Variants in SLC9B2 observed in about 807,000 individuals in gnomAD.
The protein encoded by SLC9B2 is sodium/hydrogen exchanger 9B2.
In SLC9B2, 39 loss-of-function variants were observed where a neutral mutation model predicts 52.2. The ratio of observed to expected loss-of-function variants is 0.75; its 90% CI spans 0.58 to 0.98. SLC9B2 has a LOEUF of 0.98. Ranked by LOEUF, SLC9B2 falls within the 50% of genes least tolerant of loss-of-function variation. The probability of loss-of-function intolerance (pLI) is 0.00; values close to 1 mark genes in which losing one functional copy is unlikely to be tolerated. For missense variants in SLC9B2, 626 were observed against 637.5 expected, an observed-to-expected ratio of 0.98 and a Z score of 0.19; for synonymous variants, 214 against 227.0, an observed-to-expected ratio of 0.94 and a Z score of 0.51.
At chr4:103,045,040 A>T in intron 7 of SLC9B2, 44 bp from the exon 8 acceptor site, 1 of 1,271,722 alleles carries the variant, frequency 7.9e-7, no homozygotes, top group Non-Finnish European at 1.1e-6. Flanking sequence ...AATCCAACAA[A>T]TACACAGGTT....
chr4:103,047,498 TCGTCATTTAACATCAGGTATA>T (rs1213304703), intron 6 of SLC9B2, among the ~76,000 whole-genome samples: 1 of 151,564 alleles, frequency 6.6e-6, no homozygotes, highest in Admixed American at 6.6e-5. Flanking sequence ...ACCCATTAAC[TCGTCATTTAACATCAGGTATA>T]TCTCCTAATG....
intron 4 of SLC9B2, among the ~76,000 whole-genome samples, chr4:103,051,117 C>T (rs1009069850): frequency 1.4e-4 from 22 of 152,060 alleles, no homozygotes; most frequent in African/African-American, 4.8e-4. Context: ...GATGAAGAAA[C>T]GGCTAGGGGA....
chr4:103,033,567 T>C (rs996967650), intron 9 of SLC9B2, among the ~76,000 whole-genome samples: 4 of 152,188 alleles, frequency 2.6e-5, no homozygotes, highest in South Asian at 2.1e-4. Flanking sequence ...GAAAACTTCA[T>C]AGTCTCTGCT....
chr4:103,046,962 A>G, intron 7 of SLC9B2, 89 bp downstream of exon 7: 1 of 1,449,608 alleles, frequency 6.9e-7, no homozygotes, highest in African/African-American at 1.4e-5. Context: ...GCCTTAATCA[A>G]TTATCAAGCA....
In SLC9B2 at chr4:103,048,959, G is replaced by C; in HGVS notation, c.647C>G (p.Ala216Gly). The C allele has an allele frequency of 6.2e-7, 1 of 1,613,880 alleles. No homozygotes were observed. The highest frequency in any genetic ancestry group is 8.5e-7 in the Non-Finnish European group (1 of 1,179,878). ...ATGGGCAAGAAGAGCAGATGTGCAC[G>C]CCTCCACAATACAGGGACCCATGGA... Reference protein sequence around the residue: ...RLSMGPCIVEACTSALLAHYL... With the variant: ...RLSMGPCIVEGCTSALLAHYL... Residue 216 changes from alanine (A) to glycine (G), a missense_variant, in exon 6 of 12, where the codon GCG becomes GGG. By Grantham distance (60) the Ala-to-Gly change is moderately conservative. Transcript: ENST00000394785.
intron 7 of SLC9B2, among the ~76,000 whole-genome samples, chr4:103,045,380 G>T (rs900742914): frequency 3.3e-5 from 5 of 152,002 alleles, no homozygotes; most frequent in African/African-American, 1.2e-4. Context: ...AGCTAGGATC[G>T]CTTTCTACCA....
In SLC9B2 at chr4:103,048,912, G is replaced by T; in HGVS notation, c.694C>A (p.Gln232Lys). The change falls in exon 6 of 12, where the codon CAA (glutamine) becomes AAA (lysine). Residue 232 changes from glutamine to lysine, a missense_variant. Coordinates refer to ENST00000394785, the MANE Select transcript of SLC9B2 (RefSeq NM_178833.7). The stretch of plus-strand genomic sequence containing the variant: ...CATTACCCCAGTATAAATCCCCATT[G>T]CCATGGTAAACCCAGCAGGTAATGG... ...LAHYLLGLPW[Q>K]WGFILGFVLG... 6.2e-7 allele frequency: 1 copy of T among 1,613,782 alleles called. No homozygotes were observed. Among genetic ancestry groups the T allele is most frequent in the Non-Finnish European group, 8.5e-7 (1 of 1,179,812 alleles).
rs1362454133 is a variant in SLC9B2, at chr4:103,047,144, C to T, written c.796G>A (p.Gly266Ser). 1.9e-6 allele frequency: 3 copies of T among 1,613,912 alleles called. No homozygotes were observed. Among genetic ancestry groups the T allele is most frequent in the African/African-American group, 1.3e-5 (1 of 74,986 alleles). The change falls in exon 7 of 12, where the codon GGT (glycine) becomes AGT (serine). Residue 266 changes from glycine (G) to serine (S), a missense_variant. Physicochemically the swap from Gly to Ser is moderately conservative, Grantham distance 56. Coordinates refer to ENST00000394785, the MANE Select transcript of SLC9B2 (RefSeq NM_178833.7). ...LQGGGYGVEK[G>S]VPTLLMAAGS... ...GCTGCCATGAGCAAGGTTGGGACACCCTTCTCAACACCATAGCCTCCTCCC... is the reference window on the plus strand; with the variant it reads ...GCTGCCATGAGCAAGGTTGGGACACTCTTCTCAACACCATAGCCTCCTCCC...
At chr4:103,019,956 G>C (rs2110554886), downstream of SLC9B2, 1 of 979,264 alleles carries the variant, frequency 1.0e-6, no homozygotes, top group Middle Eastern at 5.2e-4. Flanking sequence ...GGGACTGCAT[G>C]TGCCAGAAGT....
intron 1 of SLC9B2, 100 bp from the exon 2 acceptor site, chr4:103,067,692 G>T: frequency 3.0e-6 from 2 of 672,458 alleles, no homozygotes; most frequent in Non-Finnish European, 5.2e-6. Flanking sequence ...ATTCCGAATG[G>T]CTAAACTATT....
intron 10 of SLC9B2, among the ~76,000 whole-genome samples, chr4:103,029,523 C>T (rs1258338117): frequency 6.6e-6 from 1 of 152,144 alleles, no homozygotes; most frequent in Non-Finnish European, 1.5e-5. Context: ...TGGCAGTCTA[C>T]CACTGTTTCA....
intron 3 of SLC9B2, among the ~76,000 whole-genome samples, chr4:103,060,334 T>C (rs1179067482): frequency 6.6e-6 from 1 of 151,970 alleles, no homozygotes; most frequent in Non-Finnish European, 1.5e-5. Context: ...GAGTTTTTAA[T>C]TTCAATTACT....
rs201856669 is a variant in SLC9B2, at chr4:103,057,818, G to A, written c.425C>T (p.Pro142Leu). 8.9e-5 allele frequency: 144 copies of A among 1,613,638 alleles called. No homozygotes were observed. Among genetic ancestry groups the A allele is most frequent in the South Asian group, 1.8e-4 (16 of 90,956 alleles). The change falls in exon 4 of 12, where the codon CCA (proline) becomes CTA (leucine). Residue 142 changes from proline (P) to leucine (L), a missense_variant. Pro to Leu is a moderately conservative substitution (Grantham distance 98). Transcript: ENST00000394785. ...GCACTTACCAAGAAGAGAAGGCAGTGGAGGCAATGTAGGTAACTTAATAAG... is the reference window on the plus strand; with the variant it reads ...GCACTTACCAAGAAGAGAAGGCAGTAGAGGCAATGTAGGTAACTTAATAAG... The part of the protein sequence containing the change: ...LGLIKLPTLP[P>L]LPSLLGMLLA...
intron 5 of SLC9B2, 22 bp from the exon 6 acceptor site, chr4:103,049,042 C>A: frequency 1.9e-6 from 3 of 1,610,754 alleles, no homozygotes; most frequent in Non-Finnish European, 2.5e-6. Context: ...AAGTAGACAT[C>A]CTAATATAAT....
chr4:103,052,924 T>C (rs1744817675), intron 4 of SLC9B2, among the ~76,000 whole-genome samples: 1 of 152,080 alleles, frequency 6.6e-6, no homozygotes, highest in African/African-American at 2.4e-5. Context: ...TTGCTAGTGG[T>C]CTGGTTGATG....
Position 103,053,105 on chromosome 4 carries a change from G to T in SLC9B2, c.443-2723C>A, listed in dbSNP as rs1341610271. Among the ~76,000 whole-genome samples, 3 of 148,314 alleles carry T rather than the reference G, an allele frequency of 2.0e-5. No individual in the cohort carries two copies. The East Asian group carries it at 5.9e-4, about 29-fold the overall frequency. ...CTAATCTCATTTCATCCACTCCCAA[G>T]TTTTTTTTTTATTATTTGTGTTATG... On this transcript the variant is annotated intron_variant, in intron 4 of 11. Coordinates refer to ENST00000394785, the MANE Select transcript of SLC9B2 (RefSeq NM_178833.7).
chr4:103,042,057 A>T (rs1743691621), intron 9 of SLC9B2: 1 of 152,184 alleles, frequency 6.6e-6, no homozygotes, highest in Middle Eastern at 3.4e-3. Flanking sequence ...ATTTGCAAAG[A>T]TTTTTAAAGA....
downstream of SLC9B2, among the ~76,000 whole-genome samples, chr4:103,021,432 C>T (rs188374217): frequency 3.0e-4 from 45 of 151,984 alleles, no homozygotes; most frequent in Admixed American, 2.4e-3. Flanking sequence ...TGTTCTGAGA[C>T]ATTAAAAAAA....
chr4:103,045,889 C>G (rs1744078348), intron 7 of SLC9B2, among the ~76,000 whole-genome samples: 1 of 152,174 alleles, frequency 6.6e-6, no homozygotes, highest in Admixed American at 6.5e-5. Flanking sequence ...AGGCTGAGAA[C>G]AATTGTTTTA....
Sources: gnomAD v4.1 joint callset for allele counts (sites outside exome capture counted in the v4.1 genomes callset) on GRCh38, gnomAD v4.1.1 for gene constraint, MANE v1.5 for transcripts, NCBI Gene and HGNC (gene_info 2026-07-23, HGNC 2026-07-21) for gene names.